SORT1: variants seen among roughly 807,000 people sequenced by gnomAD.
SORT1 encodes the protein sortilin 1.
A neutral mutation model predicts 101.7 loss-of-function variants in SORT1; 39 were observed. The ratio of observed to expected loss-of-function variants is 0.38; its 90% confidence interval spans 0.30 to 0.50. The LOEUF is 0.50. Ranked by LOEUF, SORT1 falls within the 20% of genes least tolerant of loss-of-function variation. The probability of loss-of-function intolerance (pLI) is 0.90; values close to 1 mark genes in which losing one functional copy is unlikely to be tolerated. For synonymous variants in SORT1, 396 were observed against 393.7 expected (o/e 1.01, Z -0.07); for missense variants, 878 against 1,040.4 (o/e 0.84, Z 2.15).
chr1:109,382,427 C>T (rs781188990), intron 1 of SORT1, among the ~76,000 whole-genome samples: 4 of 152,116 alleles, frequency 2.6e-5, no homozygotes, highest in African/African-American at 9.7e-5. Context: ...TGAACCACCA[C>T]GCCTGGACGC....
At chr1:109,346,268 G>A (rs60895407) in intron 7 of SORT1, among the ~76,000 whole-genome samples, 3,220 of 149,698 alleles carry the variant, frequency 0.022, 104 homozygotes, top group African/African-American at 0.069. Flanking sequence ...GGCAGAGATC[G>A]CGCCACTGTG....
intron 3 of SORT1, among the ~76,000 whole-genome samples, chr1:109,360,643 T>C (rs1392481831): frequency 1.3e-5 from 2 of 152,064 alleles, no homozygotes; most frequent in Admixed American, 1.3e-4. Flanking sequence ...GGCCTAGATA[T>C]TAAAGCTTGA....
At chr1:109,357,776 C>A (rs1650430643) in intron 3 of SORT1, among the ~76,000 whole-genome samples, 1 of 152,178 alleles carries the variant, frequency 6.6e-6, no homozygotes, top group Non-Finnish European at 1.5e-5. Context: ...AGTACATACA[C>A]ACACACAGAA....
intron 17 of SORT1, among the ~76,000 whole-genome samples, chr1:109,316,572 C>T (rs1410315184): frequency 6.6e-6 from 1 of 152,114 alleles, no homozygotes; most frequent in African/African-American, 2.4e-5. Flanking sequence ...CTCTCAGCCT[C>T]AGAAATTTCC....
At position 109,367,688 on chromosome 1, in the gene SORT1, T is replaced by C. The variant is rs574773532; in HGVS notation, c.367-207A>G. Among the ~76,000 whole-genome samples the C allele has an allele frequency of 1.7e-4, 26 of 152,290 alleles. 1 individual carries two copies. The East Asian group carries it at 3.3e-3, about 19-fold the overall frequency. Reference sequence around the variant, plus strand: ...GTTGGGATGATCCCCATTGCCTCCATTGAAGCAGTGAGGCTGACTACTCAA... The same window carrying C: ...GTTGGGATGATCCCCATTGCCTCCACTGAAGCAGTGAGGCTGACTACTCAA... On this transcript the variant is annotated intron_variant, in intron 2 of 19. Transcript: ENST00000256637.
chr1:109,377,958 A>G (rs998602021), intron 1 of SORT1, among the ~76,000 whole-genome samples: 1 of 152,212 alleles, frequency 6.6e-6, no homozygotes, highest in Admixed American at 6.5e-5. Flanking sequence ...CAGGCTGAGT[A>G]TGGTGGTTCA....
chr1:109,343,316 T>G (rs1017934156), intron 8 of SORT1, among the ~76,000 whole-genome samples: 1 of 152,186 alleles, frequency 6.6e-6, no homozygotes, highest in African/African-American at 2.4e-5. Flanking sequence ...ATGAAGTGCT[T>G]TTGTCAAGGT....
At position 109,327,050 on chromosome 1, in the gene SORT1, C is replaced by G; in HGVS notation, c.1585G>C (p.Asp529His). 6.2e-7 allele frequency: 1 copy of G among 1,612,932 alleles called. No individual in the cohort carries two copies. Among genetic ancestry groups the G allele is most frequent in the Non-Finnish European group, 8.5e-7 (1 of 1,179,988 alleles). The change falls in exon 13 of 20, where the codon GAT becomes CAT. Residue 529 changes from aspartate to histidine, a missense_variant. By Grantham distance (81) the Asp-to-His change is moderately conservative (BLOSUM62 -1). Coordinates refer to ENST00000256637, the MANE Select transcript of SORT1 (RefSeq NM_002959.7). Reference sequence around the variant, plus strand: ...ATGGCCACAATGATGCCTCCAGAATCCAGGATGGTGTAATAGTGGGGTCCT... The same window carrying G: ...ATGGCCACAATGATGCCTCCAGAATGCAGGATGGTGTAATAGTGGGGTCCT... ...LEGPHYYTIL[D>H]SGGIIVAIEH...
rs116168246 is a variant in SORT1 at position 109,338,105 on chromosome 1, G to T, written c.1265-1759C>A. Among the ~76,000 whole-genome samples the T allele has an allele frequency of 4.3e-3, 657 of 152,334 alleles. 6 individuals carry two copies. The highest frequency in any genetic ancestry group is 0.015 in the African/African-American group (627 of 41,556). On this transcript the variant is annotated intron_variant, in intron 10 of 19. Transcript: ENST00000256637. ...GCAGCTAAAGGTGGATTGATAGTGT[G>T]TGTGTGAGGAGGCGAGGGCAAACTG...
intron 10 of SORT1, 45 bp downstream of exon 10, chr1:109,340,679 C>T (rs1649152323): frequency 6.2e-7 from 1 of 1,604,564 alleles, no homozygotes; most frequent in African/African-American, 1.3e-5. Flanking sequence ...AATCCTACCA[C>T]ATGCAGCTGA....
In SORT1 at chr1:109,379,138, G is replaced by A. The variant is rs138340938; in HGVS notation, c.307-9549C>T. 2.0e-4 allele frequency among the ~76,000 whole-genome samples: 29 copies of A among 146,614 alleles called. 1 individual carries two copies. The highest frequency in any genetic ancestry group is 7.6e-5 in the Non-Finnish European group (5 of 66,116). On this transcript the variant is annotated intron_variant, in intron 1 of 19. Transcript: ENST00000256637. ...AGCCTGGGTGACAAAGTGAAACGCC[G>A]TCTCAAAAAGAAAAAAAAAAAATAG...
At chr1:109,374,127 A>G (rs554547848) in intron 1 of SORT1, among the ~76,000 whole-genome samples, 1 of 152,316 alleles carries the variant, frequency 6.6e-6, no homozygotes, top group South Asian at 2.1e-4. Flanking sequence ...CACGCAAAGA[A>G]GAAATCAGGA....
intron 1 of SORT1, among the ~76,000 whole-genome samples, chr1:109,378,719 T>TG (rs1652021940): frequency 2.8e-5 from 1 of 35,812 alleles, no homozygotes; most frequent in African/African-American, 1.1e-4. Context: ...TATATATATA[T>TG]ATATATATAT....
At chr1:109,353,792 C>T (rs1003787844) in intron 5 of SORT1, among the ~76,000 whole-genome samples, 1 of 152,124 alleles carries the variant, frequency 6.6e-6, no homozygotes, top group African/African-American at 2.4e-5. Context: ...GAGACTGGTC[C>T]TCCAGGAAAG....
chr1:109,317,035 T>C (rs1570882248), intron 16 of SORT1, 77 bp from the exon 17 acceptor site: 2 of 953,894 alleles, frequency 2.1e-6, no homozygotes, highest in Non-Finnish European at 3.2e-6. Flanking sequence ...GGAAACAAGA[T>C]TTGAAAAGCT....
At chr1:109,370,360 AAAGAT>A (rs1651413011) in intron 1 of SORT1, among the ~76,000 whole-genome samples, 1 of 152,286 alleles carries the variant, frequency 6.6e-6, no homozygotes, top group South Asian at 2.1e-4. Flanking sequence ...AACGCATAAT[AAAGAT>A]AAGTCACTCA....
At chr1:109,352,159 T>G (rs116611120) in intron 5 of SORT1, among the ~76,000 whole-genome samples, 6,293 of 152,182 alleles carry the variant, frequency 0.041, 178 homozygotes, top group Non-Finnish European at 0.062. Context: ...TAAATTGATT[T>G]AAGGTGCTTG....
At chr1:109,364,655 T>C (rs1650962808) in intron 3 of SORT1, among the ~76,000 whole-genome samples, 2 of 152,218 alleles carry the variant, frequency 1.3e-5, no homozygotes, top group South Asian at 4.1e-4. Flanking sequence ...ATTTGCATGT[T>C]GGCAGGGGCT....
intron 11 of SORT1, among the ~76,000 whole-genome samples, chr1:109,334,162 A>G (rs1344640162): frequency 6.6e-6 from 1 of 152,086 alleles, no homozygotes; most frequent in African/African-American, 2.4e-5. Context: ...AAAGAAAAAA[A>G]AGAAAATGAA....
Sources: gnomAD v4.1 joint callset for allele counts (sites outside exome capture counted in the v4.1 genomes callset) on GRCh38, gnomAD v4.1.1 for gene constraint, MANE v1.5 for transcripts, NCBI Gene and HGNC (gene_info 2026-07-23, HGNC 2026-07-21) for gene names.